The following AXDND1 variants were observed in gnomAD, a reference collection of about 807,000 sequenced individuals.
AXDND1 encodes axonemal dynein light chain domain containing 1.
A neutral mutation model predicts 137.5 loss-of-function variants in AXDND1; 110 were observed. The ratio of observed to expected loss-of-function variants is 0.80; its 90% confidence interval spans 0.69 to 0.94. The LOEUF is 0.94. Among genes scored for constraint, AXDND1 ranks in the 40% least tolerant of loss-of-function variants. AXDND1 has a pLI of 0.00. For synonymous variants in AXDND1, 414 were observed against 399.7 expected, an observed-to-expected ratio of 1.04 and a Z score of -0.43; for missense variants, 1,191 against 1,169.8, an observed-to-expected ratio of 1.02 and a Z score of -0.26.
intron 12 of AXDND1, among the ~76,000 whole-genome samples, chr1:179,414,459 C>T (rs1654380518): frequency 6.7e-6 from 1 of 149,622 alleles, no homozygotes; most frequent in South Asian, 2.1e-4. Context: ...GAGTCTCGCT[C>T]TTTCACCCAT....
chr1:179,427,943 G>A (rs1656810452), intron 12 of AXDND1, among the ~76,000 whole-genome samples: 2 of 118,892 alleles, frequency 1.7e-5, no homozygotes, highest in South Asian at 3.0e-4. Flanking sequence ...CAATGTAAGA[G>A]CAATCCATGT....
chr1:179,422,842 C>A (rs910866372), intron 12 of AXDND1, among the ~76,000 whole-genome samples: 4 of 152,146 alleles, frequency 2.6e-5, no homozygotes, highest in Admixed American at 2.0e-4. Context: ...CGGCTCACTG[C>A]AACCTCCGCC....
rs117468127 is a variant in AXDND1, at chr1:179,490,406, G to C, written c.2092-1132G>C. Among the ~76,000 whole-genome samples, 19 of 152,246 alleles carry C rather than the reference G, an allele frequency of 1.2e-4. No homozygotes were observed. The East Asian group carries it at 3.7e-3, about 29-fold the overall frequency. ...TTCTGCATTTTATTTCTGGGACCTAGCCTCAGCAAATACTGTCATGCAGAG... is the reference window on the plus strand; with the variant it reads ...TTCTGCATTTTATTTCTGGGACCTACCCTCAGCAAATACTGTCATGCAGAG... On this transcript the variant is annotated intron_variant, in intron 18 of 25. Transcript: ENST00000367618.
Position 179,369,969 on chromosome 1 carries a change from T to C in AXDND1, c.271-6T>C, listed in dbSNP as rs757166597. ...TGGATATTCATGTGTATTTGCTTTTTCCCAGGGCACTCTTCCACGCCTTGT... is the reference window on the plus strand; with the variant it reads ...TGGATATTCATGTGTATTTGCTTTTCCCCAGGGCACTCTTCCACGCCTTGT... On this transcript the variant is annotated splice_region_variant and splice_polypyrimidine_tract_variant and intron_variant, in intron 3 of 25. Coordinates refer to ENST00000367618, the MANE Select transcript of AXDND1 (RefSeq NM_144696.6). 6 of 1,610,366 alleles carry C rather than the reference T, an allele frequency of 3.7e-6. No homozygotes were observed. The highest frequency in any genetic ancestry group is 5.1e-6 in the Non-Finnish European group (6 of 1,176,934).
chr1:179,462,600 G>A (rs1662515370), intron 16 of AXDND1, among the ~76,000 whole-genome samples: 2 of 152,130 alleles, frequency 1.3e-5, no homozygotes, highest in Non-Finnish European at 2.9e-5. Context: ...TCTATTGATT[G>A]GAATAGTTTC....
chr1:179,505,054 A>G (rs2125626583), intron 20 of AXDND1, among the ~76,000 whole-genome samples: 1 of 152,294 alleles, frequency 6.6e-6, no homozygotes, highest in African/African-American at 2.4e-5. Context: ...CAAATTCATC[A>G]CCATCCTGGA....
At chr1:179,473,542 G>C (rs977210028) in intron 17 of AXDND1, among the ~76,000 whole-genome samples, 1 of 152,144 alleles carries the variant, frequency 6.6e-6, no homozygotes, top group Admixed American at 6.5e-5. Flanking sequence ...CTTAATTCTA[G>C]TGACATATAG....
intron 21 of AXDND1, among the ~76,000 whole-genome samples, chr1:179,510,135 G>A (rs1668895483): frequency 6.6e-6 from 1 of 151,786 alleles, no homozygotes; most frequent in Non-Finnish European, 1.5e-5. Context: ...ACCCTTTTCT[G>A]CCTCTTAAAT....
intron 16 of AXDND1, among the ~76,000 whole-genome samples, chr1:179,463,425 A>T (rs1321623819): frequency 6.6e-6 from 1 of 152,124 alleles, no homozygotes; most frequent in Admixed American, 6.6e-5. Context: ...GTGGTTGAGC[A>T]GTTTTGAGTG....
At chr1:179,534,525 G>A (rs183680711) in intron 24 of AXDND1, 58 of 489,816 alleles carry the variant, frequency 1.2e-4, no homozygotes, top group African/African-American at 1.1e-3. Flanking sequence ...TTCTTAAATA[G>A]CAGCATGATT....
At chr1:179,436,892 G>A (rs996196885) in intron 15 of AXDND1, among the ~76,000 whole-genome samples, 1 of 151,924 alleles carries the variant, frequency 6.6e-6, no homozygotes, top group Non-Finnish European at 1.5e-5. Context: ...AAAAAGCTCG[G>A]TAGATATCAG....
chr1:179,408,078 A>G (rs961517503), intron 11 of AXDND1, among the ~76,000 whole-genome samples: 7 of 152,038 alleles, frequency 4.6e-5, no homozygotes, highest in African/African-American at 1.7e-4. Context: ...TTTTTATTAC[A>G]TTTATTGAAT....
chr1:179,429,154 G>A (rs910795366), intron 12 of AXDND1, among the ~76,000 whole-genome samples: 1 of 150,636 alleles, frequency 6.6e-6, no homozygotes, highest in Non-Finnish European at 1.5e-5. Context: ...TCCAACCTGG[G>A]TGACAGAGCA....
intron 20 of AXDND1, among the ~76,000 whole-genome samples, chr1:179,493,953 T>G (rs964424021): frequency 7.9e-5 from 12 of 152,232 alleles, no homozygotes; most frequent in African/African-American, 2.9e-4. Context: ...ATAGTCAGTC[T>G]TTTTAAAATT....
At chr1:179,457,066 G>C in intron 16 of AXDND1, 2 of 1,417,790 alleles carry the variant, frequency 1.4e-6, no homozygotes, top group Non-Finnish European at 2.0e-6. Flanking sequence ...CTTCTCTTGA[G>C]ACAGCTCTCT....
intron 3 of AXDND1, 131 bp downstream of exon 3, chr1:179,369,103 G>T (rs1171399880): frequency 2.1e-6 from 2 of 943,302 alleles, no homozygotes; most frequent in African/African-American, 1.7e-5. Context: ...TTGAGACAGG[G>T]TCTTACTACT....
chr1:179,432,287 C>G lies in AXDND1; in HGVS notation c.1508C>G (p.Pro503Arg). ...TTCAGTGAAAAAGACATTTTATCCC[C>G]TAATAAGGGAAATATATTTAATTCA... Reference protein sequence around the residue: ...EFFNEKDILSPNKGNIFNSVL... With the variant: ...EFFNEKDILSRNKGNIFNSVL... The change falls in exon 15 of 26, where the codon CCT (proline) becomes CGT (arginine). Residue 503 changes from proline to arginine, a missense_variant. Pro to Arg is a moderately radical substitution (Grantham distance 103). Coordinates refer to ENST00000367618, the MANE Select transcript of AXDND1 (RefSeq NM_144696.6). 6.4e-7 allele frequency: 1 copy of G among 1,563,480 alleles called. No individual in the cohort carries two copies. The highest frequency in any genetic ancestry group is 1.4e-5 in the African/African-American group (1 of 73,022).
chr1:179,542,561 T>C (rs1265250770), intron 25 of AXDND1, among the ~76,000 whole-genome samples: 1 of 152,228 alleles, frequency 6.6e-6, no homozygotes, highest in East Asian at 1.9e-4. Flanking sequence ...TTCATCTTCT[T>C]ATATTCTGAA....
At chr1:179,527,399 A>G (rs1024672941) in intron 22 of AXDND1, among the ~76,000 whole-genome samples, 9 of 152,076 alleles carry the variant, frequency 5.9e-5, no homozygotes, top group African/African-American at 2.2e-4. Flanking sequence ...TCATCCTATG[A>G]CTTAGAATGC....
Sources: gnomAD v4.1 joint callset for allele counts (sites outside exome capture counted in the v4.1 genomes callset) on GRCh38, gnomAD v4.1.1 for gene constraint, MANE v1.5 for transcripts, NCBI Gene and HGNC (gene_info 2026-07-23, HGNC 2026-07-21) for gene names.